Variants in ZMYND8 observed in about 807,000 individuals in gnomAD.
ZMYND8 encodes zinc finger MYND-type containing 8, also known as MYND-type zinc finger-containing chromatin reader ZMYND8.
In ZMYND8, 37 loss-of-function variants were observed where a neutral mutation model predicts 140.8. That is an observed-to-expected ratio of 0.26 (90% CI 0.20 to 0.35). The LOEUF is 0.35. Ranked by LOEUF, ZMYND8 falls within the 10% of genes least tolerant of loss-of-function variation. ZMYND8 has a pLI of 1.00. For missense variants in ZMYND8, 1,068 were observed against 1,570.0 expected, an observed-to-expected ratio of 0.68 and a Z score of 5.40; for synonymous variants, 592 against 597.1, an observed-to-expected ratio of 0.99 and a Z score of 0.12.
rs1480312744 is a variant in ZMYND8, at chr20:47,282,206, A to G, written c.894T>C (p.His298=). The G allele has an allele frequency of 1.9e-6, 3 of 1,613,824 alleles. No homozygotes were observed. Among genetic ancestry groups the G allele is most frequent in the Non-Finnish European group, 2.5e-6 (3 of 1,179,970 alleles). Residue 298 remains histidine (H), a synonymous_variant, in exon 10 of 23, where the codon CAT becomes CAC. Transcript: ENST00000471951. ...CCTTCAGTTTGGCCCAGACCAAAGG[A>G]TGTGGATTGCTCTAGGAAAAGAAAA... ...NWFCEPCSNP[H]PLVWAKLKGF...
chr20:47,278,946 C>T (rs747854615), intron 10 of ZMYND8, among the ~76,000 whole-genome samples: 3 of 152,070 alleles, frequency 2.0e-5, no homozygotes, highest in Non-Finnish European at 4.4e-5. Flanking sequence ...AGCCTCAGCT[C>T]TGTCACCGAG....
At chr20:47,348,410 A>G (rs577627493) in intron 1 of ZMYND8, 15 of 171,140 alleles carry the variant, frequency 8.8e-5, no homozygotes, top group Middle Eastern at 2.7e-3. Flanking sequence ...GGAACATGGG[A>G]AAAAAAAGAT....
chr20:47,352,629 G>T, intron 1 of ZMYND8: 1 of 786,890 alleles, frequency 1.3e-6, no homozygotes, highest in Non-Finnish European at 1.5e-6. Flanking sequence ...CTCCTCTGGT[G>T]CTGGGAGTGA....
At chr20:47,243,791 A>C (rs2040230680) in intron 14 of ZMYND8, among the ~76,000 whole-genome samples, 1 of 152,236 alleles carries the variant, frequency 6.6e-6, no homozygotes, top group South Asian at 2.1e-4. Flanking sequence ...AGAACAGTAT[A>C]AATATGTCAC....
At chr20:47,312,782 T>G (rs1335151521) in intron 2 of ZMYND8, among the ~76,000 whole-genome samples, 83 of 132,974 alleles carry the variant, frequency 6.2e-4, no homozygotes, top group Middle Eastern at 4.4e-3. Context: ...AGAGCGAGAC[T>G]CCGTCTCAAA....
rs185841240 is a variant in ZMYND8, at chr20:47,291,311, C to T, written c.660+485G>A. On this transcript the variant is annotated intron_variant, in intron 6 of 22. Transcript: ENST00000471951. Reference sequence around the variant, plus strand: ...ACAGTGTTCCAAGTGTAATTTTCAGCGTGGAATTTTAGCATGAACTTTTAA... The same window carrying T: ...ACAGTGTTCCAAGTGTAATTTTCAGTGTGGAATTTTAGCATGAACTTTTAA... Among the ~76,000 whole-genome samples, 694 of 152,288 alleles carry T rather than the reference C, an allele frequency of 4.6e-3. 4 individuals are homozygous for T. Among genetic ancestry groups the T allele is most frequent in the African/African-American group, 0.016 (667 of 41,554 alleles).
intron 14 of ZMYND8, among the ~76,000 whole-genome samples, chr20:47,241,110 A>G (rs1323765417): frequency 1.3e-5 from 2 of 151,882 alleles, no homozygotes; most frequent in Non-Finnish European, 2.9e-5. Context: ...TCTGGCCAAC[A>G]TGGTGAAACC....
chr20:47,351,133 A>G (rs1211139133), intron 1 of ZMYND8, among the ~76,000 whole-genome samples: 1 of 152,230 alleles, frequency 6.6e-6, no homozygotes, highest in Non-Finnish European at 1.5e-5. Flanking sequence ...ACCTATGCTT[A>G]CTTCTTAACC....
At chr20:47,211,857 C>G (rs2035310405) in intron 22 of ZMYND8, among the ~76,000 whole-genome samples, 1 of 151,762 alleles carries the variant, frequency 6.6e-6, no homozygotes, top group East Asian at 1.9e-4. Flanking sequence ...TTCTTACTGC[C>G]TGGTAAAAAG....
At chr20:47,301,996 A>G (rs1404393148) in intron 3 of ZMYND8, among the ~76,000 whole-genome samples, 2 of 79,170 alleles carry the variant, frequency 2.5e-5, no homozygotes, top group Non-Finnish European at 4.6e-5. Context: ...TCCTCGAAGC[A>G]GCCATGTGAA....
chr20:47,313,025 G>C (rs1296281217), intron 2 of ZMYND8, among the ~76,000 whole-genome samples: 2 of 152,074 alleles, frequency 1.3e-5, no homozygotes, highest in African/African-American at 4.8e-5. Context: ...TGTACCCAAA[G>C]CACTTGAAAC....
At chr20:47,355,841 C>G (rs190904486) in intron 1 of ZMYND8, among the ~76,000 whole-genome samples, 1 of 148,888 alleles carries the variant, frequency 6.7e-6, no homozygotes, top group East Asian at 2.0e-4. Context: ...TCTCCCCCCA[C>G]CCCCCAGTCC....
At chr20:47,265,713 G>T (rs1311688496) in intron 11 of ZMYND8, among the ~76,000 whole-genome samples, 1 of 152,144 alleles carries the variant, frequency 6.6e-6, no homozygotes, top group African/African-American at 2.4e-5. Context: ...AAAGTGCTGG[G>T]ATTACAGGTG....
At chr20:47,337,357 A>T (rs1223777210) in intron 2 of ZMYND8, among the ~76,000 whole-genome samples, 1 of 151,822 alleles carries the variant, frequency 6.6e-6, no homozygotes, top group East Asian at 1.9e-4. Context: ...AAAAATAAAT[A>T]AATAAAATAA....
At chr20:47,270,932 C>T (rs973767869) in intron 11 of ZMYND8, among the ~76,000 whole-genome samples, 1 of 151,872 alleles carries the variant, frequency 6.6e-6, no homozygotes, top group African/African-American at 2.4e-5. Context: ...AAAAAATTAG[C>T]CGGGCGTGGC....
intron 2 of ZMYND8, among the ~76,000 whole-genome samples, chr20:47,323,806 T>A (rs2080166134): frequency 6.6e-6 from 1 of 152,066 alleles, no homozygotes; most frequent in African/African-American, 2.4e-5. Context: ...CTCATCAAGC[T>A]AGGGAGAGAG....
At chr20:47,315,484 G>A (rs775088743) in intron 2 of ZMYND8, among the ~76,000 whole-genome samples, 15 of 152,108 alleles carry the variant, frequency 9.9e-5, no homozygotes, top group African/African-American at 1.7e-4. Context: ...TGCTGGATTC[G>A]GTATCCTTCG....
intron 6 of ZMYND8, among the ~76,000 whole-genome samples, chr20:47,290,764 T>C (rs2077213693): frequency 6.6e-6 from 1 of 151,914 alleles, no homozygotes; most frequent in Admixed American, 6.6e-5. Context: ...GCTCATTTTG[T>C]ATTTTTAGTA....
chr20:47,264,012 T>C (rs961025011), intron 11 of ZMYND8, among the ~76,000 whole-genome samples: 2 of 152,180 alleles, frequency 1.3e-5, no homozygotes, highest in African/African-American at 4.8e-5. Context: ...GGGTTGCTAC[T>C]GGCATCTAGG....
Sources: gnomAD v4.1 joint callset for allele counts (sites outside exome capture counted in the v4.1 genomes callset) on GRCh38, gnomAD v4.1.1 for gene constraint, MANE v1.5 for transcripts, NCBI Gene and HGNC (gene_info 2026-07-23, HGNC 2026-07-21) for gene names.